The following TASOR2 variants were observed in gnomAD, a reference collection of about 807,000 sequenced individuals.
The protein encoded by TASOR2 is protein TASOR 2.
A neutral mutation model predicts 199.5 loss-of-function variants in TASOR2; 84 were observed. That is an observed-to-expected ratio of 0.42 (90% CI 0.35 to 0.50). The LOEUF (loss-of-function observed/expected upper bound fraction) is 0.50. TASOR2 is among the 20% of genes least tolerant of loss of function. The pLI, the probability that TASOR2 is intolerant of heterozygous loss-of-function variation, is 0.02. For synonymous variants in TASOR2, 1,103 were observed against 1,046.6 expected (o/e 1.05, Z -1.04); for missense variants, 2,796 against 2,835.9 (o/e 0.99, Z 0.32).
At position 5,758,870 on chromosome 10, in the gene TASOR2, C is replaced by T. The variant is rs761644493; in HGVS notation, c.6887-17C>T. ...TTAAACTTGTCATCTTCTTTTGCTA[C>T]ATTTATTGTTTTGTAGTTCAACTGA... On this transcript the variant is annotated splice_polypyrimidine_tract_variant and intron_variant, in intron 17 of 20. Coordinates refer to ENST00000328090, the Ensembl canonical transcript of TASOR2. The T allele has an allele frequency of 3.7e-5, 57 of 1,561,218 alleles. No homozygotes were observed. The South Asian group carries it at 6.2e-4, about 17-fold the overall frequency.
At chr10:5,745,572 G>A (rs980793710) in intron 14 of TASOR2, among the ~76,000 whole-genome samples, 1 of 152,084 alleles carries the variant, frequency 6.6e-6, no homozygotes, top group Non-Finnish European at 1.5e-5. Flanking sequence ...TTGAGGTCAG[G>A]AGTTTGAGAC....
intron 1 of TASOR2, among the ~76,000 whole-genome samples, chr10:5,695,908 A>G (rs770199525): frequency 9.2e-5 from 14 of 152,152 alleles, no homozygotes; most frequent in Non-Finnish European, 1.5e-4. Flanking sequence ...GAATTACAGG[A>G]TGGGGTGGGA....
Position 5,748,819 on chromosome 10 carries a change from G to T in TASOR2, c.5398G>T (p.Gly1800Trp). The stretch of plus-strand genomic sequence containing the variant: ...CGTAGAAATTGAGAACAGTGGGGAG[G>T]GGCTCAGGGCTGAGGCTGGTTCTGA... Residue 1800 changes from glycine (G) to tryptophan (W), a missense_variant, in exon 15 of 21, where the codon GGG (glycine) becomes TGG (tryptophan). Gly to Trp is a radical substitution (Grantham distance 184). Around this residue, in one of 3 missense-constraint regions of TASOR2, gnomAD observed 1,941 missense variants for 1,924.9 expected, o/e 1.01. Coordinates refer to ENST00000328090, the Ensembl canonical transcript of TASOR2. The surrounding 1 kb of genome is among the most constrained non-coding windows in gnomAD (Gnocchi z 5.1). 6.2e-7 allele frequency: 1 copy of T among 1,614,152 alleles called. No individual in the cohort carries two copies. Among genetic ancestry groups the T allele is most frequent in the Non-Finnish European group, 8.5e-7 (1 of 1,180,044 alleles).
rs762756320 is a variant in TASOR2, at chr10:5,740,034, C to T, written c.1864C>T (p.Pro622Ser). The T allele has an allele frequency of 1.2e-6, 2 of 1,614,066 alleles. No homozygotes were observed. The highest frequency in any genetic ancestry group is 1.7e-6 in the Non-Finnish European group (2 of 1,180,048). The stretch of plus-strand genomic sequence containing the variant: ...TAGCCAAGATGAAGAAAGCTTGGTT[C>T]CTTGTAGTCAGGCCCCTGCTAAAGC... Residue 622 changes from proline (P) to serine (S), a missense_variant, in exon 13 of 21, where the codon CCT (proline) becomes TCT (serine). By Grantham distance (74) the Pro-to-Ser change is moderately conservative. Coordinates refer to ENST00000328090, the Ensembl canonical transcript of TASOR2. This position sits in a 1 kb window ranked among gnomAD's most constrained non-coding sequence, Gnocchi z 5.3.
intron 8 of TASOR2, 137 bp from the exon 10 acceptor site, chr10:5,726,748 A>G: frequency 1.5e-6 from 1 of 687,524 alleles, no homozygotes; most frequent in South Asian, 1.9e-5. Context: ...TACTGGGGAC[A>G]GAATTACCCT....
chr10:5,713,629 G>T (rs746667091), intron 2 of TASOR2: 1 of 152,058 alleles, frequency 6.6e-6, no homozygotes, highest in Non-Finnish European at 1.5e-5. Flanking sequence ...AAATTTAATC[G>T]TCTGAATTCA....
intron 15 of TASOR2, among the ~76,000 whole-genome samples, chr10:5,753,424 G>A (rs1427860888): frequency 1.3e-5 from 2 of 152,108 alleles, no homozygotes; most frequent in African/African-American, 4.8e-5. Flanking sequence ...GTGCAGTGGC[G>A]CGATCTCGGC....
intron 1 of TASOR2, among the ~76,000 whole-genome samples, chr10:5,694,761 A>G (rs1836938471): frequency 6.6e-6 from 1 of 152,238 alleles, no homozygotes; most frequent in Admixed American, 6.5e-5. Flanking sequence ...CATCTGGTGA[A>G]CGTTATATAG....
Position 5,730,319 on chromosome 10 carries a change from G to C in TASOR2, c.488-168G>C, listed in dbSNP as rs1028151261. Among the ~76,000 whole-genome samples, 17 of 152,230 alleles carry C rather than the reference G, an allele frequency of 1.1e-4. No individual in the cohort carries two copies. The East Asian group carries it at 3.1e-3, about 28-fold the overall frequency. On this transcript the variant is annotated intron_variant, in intron 10 of 20. Transcript: ENST00000328090. This position sits in a 1 kb window ranked among gnomAD's most constrained non-coding sequence, Gnocchi z 4.1. The stretch of plus-strand genomic sequence containing the variant: ...ATTTCAAGTATATGGAGATACATTT[G>C]TTAAATGTACCTCTAAGTCTTCTAT...
At chr10:5,761,340 G>C in exon 19 of TASOR2, 1 of 1,613,996 alleles carries the variant, frequency 6.2e-7, no homozygotes, top group East Asian at 2.2e-5. Flanking sequence ...TCATTTCAGA[G>C]TGCAAATATC....
In TASOR2 at chr10:5,759,006, G is replaced by T. The variant is rs1038041938; in HGVS notation, c.6992+14G>T. 6.3e-7 allele frequency: 1 copy of T among 1,576,246 alleles called. No individual in the cohort carries two copies. The highest frequency in any genetic ancestry group is 8.7e-7 in the Non-Finnish European group (1 of 1,145,870). ...AGAAGATGAAAGGTAAGGACTTGCT[G>T]TGTGTATGGTTCCTCCTGCCCTGCT... On this transcript the variant is annotated intron_variant, in intron 18 of 20. Coordinates refer to ENST00000328090, the Ensembl canonical transcript of TASOR2.
At chr10:5,702,635 ATTTTTTTTT>A (rs71388467) in intron 1 of TASOR2, among the ~76,000 whole-genome samples, 12 of 84,904 alleles carry the variant, frequency 1.4e-4, no homozygotes, top group African/African-American at 5.3e-4. Context: ...TAAAATGGTC[ATTTTTTTTT>A]TTTTTTTTTT....
At chr10:5,694,874 T>G (rs1836958364) in intron 1 of TASOR2, among the ~76,000 whole-genome samples, 1 of 152,220 alleles carries the variant, frequency 6.6e-6, no homozygotes, top group Non-Finnish European at 1.5e-5. Context: ...ATGGTTAAAT[T>G]TATGGATTTA....
chr10:5,758,648 C>A (rs1459896717), intron 17 of TASOR2, among the ~76,000 whole-genome samples: 1 of 152,224 alleles, frequency 6.6e-6, no homozygotes, highest in East Asian at 1.9e-4. Flanking sequence ...GGTGACCACT[C>A]CACTGTGTTC....
At chr10:5,707,242 C>T (rs1400533096) in intron 1 of TASOR2, among the ~76,000 whole-genome samples, 1 of 152,118 alleles carries the variant, frequency 6.6e-6, no homozygotes, top group East Asian at 1.9e-4. Flanking sequence ...TAAAGGAGGC[C>T]TTAGAGAGTA....
chr10:5,730,578 A>G lies in TASOR2; in HGVS notation c.579A>G (p.Lys193=). 6.2e-7 allele frequency: 1 copy of G among 1,614,230 alleles called. No homozygotes were observed. Among genetic ancestry groups the G allele is most frequent in the South Asian group, 1.1e-5 (1 of 91,084 alleles). The change falls in exon 11 of 21, where the codon AAA becomes AAG. Residue 193 remains lysine (K), a synonymous_variant. Transcript: ENST00000328090. This position sits in a 1 kb window ranked among gnomAD's most constrained non-coding sequence, Gnocchi z 4.1. Reference sequence around the variant, plus strand: ...ATTGTGCCCTGCTAGAAACAAAGAAATCACTTCCTGAAGAAAGAATCCATC... The same window carrying G: ...ATTGTGCCCTGCTAGAAACAAAGAAGTCACTTCCTGAAGAAAGAATCCATC...
Position 5,748,423 on chromosome 10 carries a change from A to G in TASOR2, c.5002A>G (p.Thr1668Ala). The G allele has an allele frequency of 6.2e-7, 1 of 1,614,196 alleles. No individual in the cohort carries two copies. Among genetic ancestry groups the G allele is most frequent in the Non-Finnish European group, 8.5e-7 (1 of 1,180,036 alleles). The change falls in exon 15 of 21, where the codon ACC (threonine) becomes GCC (alanine). Residue 1668 changes from threonine to alanine, a missense_variant. Transcript: ENST00000328090. This position sits in a 1 kb window ranked among gnomAD's most constrained non-coding sequence, Gnocchi z 5.1. ...TTCTTCCTCAGACAATGCTACATTA[A>G]CCCATTATGTAAGACCAATAAATGC...
chr10:5,727,084 C>T (rs765541238), exon 10 of TASOR2: 83 of 1,613,996 alleles, frequency 5.1e-5, no homozygotes, highest in Non-Finnish European at 6.4e-5. Context: ...GCAGATGGGT[C>T]TGCATGGGTT....
At chr10:5,708,792 C>T (rs1831544892) in intron 1 of TASOR2, among the ~76,000 whole-genome samples, 1 of 151,928 alleles carries the variant, frequency 6.6e-6, no homozygotes, top group African/African-American at 2.4e-5. Flanking sequence ...ACTTCTTCCC[C>T]CCAGACTCAA....
Sources: gnomAD v4.1 joint callset for allele counts (sites outside exome capture counted in the v4.1 genomes callset) on GRCh38, gnomAD v4.1.1 for gene constraint, gnomAD v4.1.1 regional missense constraint, Gnocchi (gnomAD v3.1) non-coding constraint, MANE v1.5 for transcripts, NCBI Gene and HGNC (gene_info 2026-07-23, HGNC 2026-07-21) for gene names.